The following NXN variants were observed in gnomAD, a reference collection of about 807,000 sequenced individuals.
NXN encodes nucleoredoxin 1.
Under a neutral mutation model 48.6 loss-of-function variants are expected in NXN, and 16 were observed. The observed-to-expected ratio is 0.33, with a 90% confidence interval of 0.22 to 0.50. The LOEUF (loss-of-function observed/expected upper bound fraction) is 0.50, where lower values mean the gene tolerates loss of function less well. NXN is among the 20% of genes least tolerant of loss of function. NXN has a pLI of 0.98. For synonymous variants in NXN, 281 were observed against 269.6 expected (o/e 1.04, Z -0.41); for missense variants, 492 against 605.5 (o/e 0.81, Z 1.97).
At chr17:897,234 T>C (rs1397443933) in intron 1 of NXN, among the ~76,000 whole-genome samples, 1 of 152,202 alleles carries the variant, frequency 6.6e-6, no homozygotes, top group Non-Finnish European at 1.5e-5. Flanking sequence ...TTAAGGGCTG[T>C]TCCCACCCTC....
chr17:914,980 G>A (rs993405063), intron 1 of NXN, among the ~76,000 whole-genome samples: 1 of 152,058 alleles, frequency 6.6e-6, no homozygotes, highest in South Asian at 2.1e-4. Flanking sequence ...CGCTCGCCAG[G>A]CTGGAGTGCA....
intron 1 of NXN, among the ~76,000 whole-genome samples, chr17:842,101 A>G (rs1914361149): frequency 6.6e-6 from 1 of 151,902 alleles, no homozygotes; most frequent in African/African-American, 2.4e-5. Context: ...CCGCCATTGC[A>G]CTCCAGCCTG....
intron 1 of NXN, among the ~76,000 whole-genome samples, chr17:842,946 AGAAAG>A (rs1466325859): frequency 9.1e-4 from 138 of 151,804 alleles, no homozygotes; most frequent in African/African-American, 3.2e-3. Flanking sequence ...TCTCAAAAAA[AGAAAG>A]GAAAGAAAGA....
intron 1 of NXN, among the ~76,000 whole-genome samples, chr17:859,386 T>A (rs2068019184): frequency 6.6e-6 from 1 of 152,266 alleles, no homozygotes; most frequent in East Asian, 1.9e-4. Flanking sequence ...AATTTTTGGT[T>A]TGGGTTTTCT....
intron 1 of NXN, among the ~76,000 whole-genome samples, chr17:877,163 T>A (rs192233398): frequency 1.3e-5 from 2 of 151,872 alleles, no homozygotes; most frequent in East Asian, 3.9e-4. Flanking sequence ...TTGTTTTTTT[T>A]TGGAGACGGA....
chr17:812,585 G>T (rs1912139655), intron 5 of NXN, among the ~76,000 whole-genome samples: 1 of 151,998 alleles, frequency 6.6e-6, no homozygotes, highest in Non-Finnish European at 1.5e-5. Context: ...GTGTGCACGT[G>T]TGTGTGATGG....
At chr17:829,359 T>C (rs531671497) in intron 1 of NXN, among the ~76,000 whole-genome samples, 8 of 152,140 alleles carry the variant, frequency 5.3e-5, no homozygotes, top group Non-Finnish European at 8.8e-5. Flanking sequence ...TTCACCACAT[T>C]GGCCAGGTTG....
At chr17:880,340 A>C (rs8064933) in intron 1 of NXN, among the ~76,000 whole-genome samples, 32,899 of 152,084 alleles carry the variant, frequency 0.22, 3,683 homozygotes, top group Middle Eastern at 0.36. Context: ...ATTAACAACC[A>C]GGGCTGGGGT....
At chr17:894,649 ACCCTGGAAGCCAGAGGAAGCATCTCAATG>A (rs2068456716) in intron 1 of NXN, among the ~76,000 whole-genome samples, 1 of 142,856 alleles carries the variant, frequency 7.0e-6, no homozygotes, top group African/African-American at 2.6e-5. Flanking sequence ...GCATCTCAGC[ACCCTGGAAGCCAGAGGAAGCATCTCAATG>A]CCCAGAACCT....
chr17:832,464 C>T (rs528592507), intron 1 of NXN, among the ~76,000 whole-genome samples: 29 of 152,092 alleles, frequency 1.9e-4, no homozygotes, highest in Admixed American at 8.5e-4. Context: ...GGATGACAGG[C>T]GTGAGCCACC....
rs530307607 is a variant in NXN at position 965,984 on chromosome 17, C to T, written c.360+13335G>A. Reference sequence around the variant, plus strand: ...ACAAACAATTAGCTGGGTGTGGTGGCGGGCACCTGTAGTCCCAGCTACTCG... The same window carrying T: ...ACAAACAATTAGCTGGGTGTGGTGGTGGGCACCTGTAGTCCCAGCTACTCG... On this transcript the variant is annotated intron_variant, in intron 1 of 7. Coordinates refer to ENST00000336868, the MANE Select transcript of NXN (RefSeq NM_022463.5). 3.4e-4 allele frequency among the ~76,000 whole-genome samples: 51 copies of T among 151,954 alleles called. No individual in the cohort carries two copies. The South Asian group carries it at 0.01, about 31-fold the overall frequency.
intron 1 of NXN, among the ~76,000 whole-genome samples, chr17:882,420 C>G (rs553373235): frequency 1.3e-4 from 20 of 152,294 alleles, no homozygotes; most frequent in Admixed American, 3.9e-4. Flanking sequence ...AGCCCTCCCC[C>G]GTCTCTGCCC....
At chr17:957,587 A>G (rs1301852709) in intron 1 of NXN, among the ~76,000 whole-genome samples, 5 of 151,696 alleles carry the variant, frequency 3.3e-5, no homozygotes, top group African/African-American at 9.7e-5. Flanking sequence ...AGCCAAGATC[A>G]AGCCACTGCA....
intron 1 of NXN, among the ~76,000 whole-genome samples, chr17:893,474 C>T (rs1266018329): frequency 1.3e-5 from 2 of 152,296 alleles, no homozygotes; most frequent in African/African-American, 2.4e-5. Flanking sequence ...CGCTCAGTAG[C>T]GTGACATAAG....
intron 1 of NXN, chr17:911,334 T>G (rs889886655): frequency 1.8e-4 from 21 of 113,626 alleles, no homozygotes; most frequent in African/African-American, 6.0e-4. Flanking sequence ...AATGCAAGTC[T>G]TCTTTTTTTT....
chr17:824,374 C>T (rs543909419), intron 2 of NXN, among the ~76,000 whole-genome samples: 179 of 152,314 alleles, frequency 1.2e-3, no homozygotes, highest in African/African-American at 4.1e-3. Flanking sequence ...AAAGTACAAA[C>T]GCCCAGGCCA....
In NXN at chr17:912,810, C is replaced by T. The variant is rs946176346; in HGVS notation, c.360+66509G>A. 1.8e-4 allele frequency among the ~76,000 whole-genome samples: 28 copies of T among 152,000 alleles called. 1 individual carries two copies. The Middle Eastern group carries it at 0.017, about 92-fold the overall frequency. On this transcript the variant is annotated intron_variant, in intron 1 of 7. Transcript: ENST00000336868. ...TCTACTAAAAATACGAAAAATTAGC[C>T]GGGCGTGGTGGTACGTGTCTGTAAT...
intron 1 of NXN, among the ~76,000 whole-genome samples, chr17:898,945 G>T (rs1396871130): frequency 2.9e-5 from 2 of 69,066 alleles, no homozygotes; most frequent in African/African-American, 6.6e-5. Context: ...TTCTGCCTCT[G>T]TGCATGCTTT....
At chr17:845,357 C>A (rs762209743) in intron 1 of NXN, among the ~76,000 whole-genome samples, 67 of 151,976 alleles carry the variant, frequency 4.4e-4, no homozygotes, top group Non-Finnish European at 4.3e-4. Context: ...AGAATTCTAC[C>A]CTTCTAGAAT....
Sources: gnomAD v4.1 joint callset for allele counts (sites outside exome capture counted in the v4.1 genomes callset) on GRCh38, gnomAD v4.1.1 for gene constraint, MANE v1.5 for transcripts, NCBI Gene and HGNC (gene_info 2026-07-23, HGNC 2026-07-21) for gene names.